RFTN1: variants seen among roughly 807,000 people sequenced by gnomAD.
RFTN1 encodes the protein raftlin.
In RFTN1, 26 loss-of-function variants were observed where a neutral mutation model predicts 46.5. The observed-to-expected ratio is 0.56, with a 90% CI of 0.41 to 0.78. The LOEUF (loss-of-function observed/expected upper bound fraction) is 0.78, where lower values mean the gene tolerates loss of function less well. Among genes scored for constraint, RFTN1 ranks in the 30% least tolerant of loss-of-function variants. The pLI is 0.00. For synonymous variants in RFTN1, 261 were observed against 284.2 expected (o/e 0.92, Z 0.82); for missense variants, 693 against 718.7 (o/e 0.96, Z 0.41).
intron 6 of RFTN1, among the ~76,000 whole-genome samples, chr3:16,362,985 C>T (rs867381533): frequency 1.3e-5 from 2 of 152,180 alleles, no homozygotes; most frequent in African/African-American, 4.8e-5. Flanking sequence ...GAGGAACACA[C>T]CCAGATCCTT....
chr3:16,433,625 A>G lies in RFTN1; in HGVS notation c.332+226T>C, dbSNP rs2075437976. 6.6e-6 allele frequency among the ~76,000 whole-genome samples: 1 copy of G among 152,216 alleles called. No individual in the cohort carries two copies. Among genetic ancestry groups the G allele is most frequent in the Non-Finnish European group, 1.5e-5 (1 of 68,038 alleles). ...AGTTAAAAGAGGGAAAGAATGTAAAATGGAACTCTCTACTTGCAGTTGGAC... is the reference window on the plus strand; with the variant it reads ...AGTTAAAAGAGGGAAAGAATGTAAAGTGGAACTCTCTACTTGCAGTTGGAC... On this transcript the variant is annotated intron_variant, in intron 3 of 9. Coordinates refer to ENST00000334133, the MANE Select transcript of RFTN1 (RefSeq NM_015150.2). The surrounding 1 kb of genome is among the most constrained non-coding windows in gnomAD (Gnocchi z 4.4).
At chr3:16,371,897 A>G (rs1455574759) in intron 5 of RFTN1, among the ~76,000 whole-genome samples, 2 of 152,236 alleles carry the variant, frequency 1.3e-5, no homozygotes, top group Non-Finnish European at 2.9e-5. Flanking sequence ...TTCACAATAC[A>G]AACTTTAGAA....
rs1390510093 is a variant in RFTN1, at chr3:16,504,058, G to A, written c.-9+9384C>T. 6.6e-6 allele frequency among the ~76,000 whole-genome samples: 1 copy of A among 152,090 alleles called. No individual in the cohort carries two copies. The highest frequency in any genetic ancestry group is 1.5e-5 in the Non-Finnish European group (1 of 68,014). The stretch of plus-strand genomic sequence containing the variant: ...AACACCCAGAACAACATATGGCAGA[G>A]ATTCTGAGGATTTCTCCGTTCACAG... On this transcript the variant is annotated intron_variant, in intron 1 of 9. Coordinates refer to ENST00000334133, the MANE Select transcript of RFTN1 (RefSeq NM_015150.2). This position sits in a 1 kb window ranked among gnomAD's most constrained non-coding sequence, Gnocchi z 4.4.
rs137916525 is a variant in RFTN1, at chr3:16,410,711, G to A, written c.333-1228C>T. 2.9e-4 allele frequency among the ~76,000 whole-genome samples: 44 copies of A among 152,164 alleles called. No individual in the cohort carries two copies. Among genetic ancestry groups the A allele is most frequent in the African/African-American group, 1.0e-3 (42 of 41,508 alleles). ...GCTGTCAAAGGAGAGGCTTCCTAGC[G>A]CACCCTGCCATCTCTGCACACAGGG... On this transcript the variant is annotated intron_variant, in intron 3 of 9. Transcript: ENST00000334133. The surrounding 1 kb of genome is among the most constrained non-coding windows in gnomAD (Gnocchi z 4.6).
rs544875031 is a variant in RFTN1, at chr3:16,433,415, G to A, written c.332+436C>T. Among the ~76,000 whole-genome samples the A allele has an allele frequency of 3.3e-5, 5 of 152,096 alleles. No homozygotes were observed. Among genetic ancestry groups the A allele is most frequent in the Non-Finnish European group, 4.4e-5 (3 of 68,018 alleles). On this transcript the variant is annotated intron_variant, in intron 3 of 9. Transcript: ENST00000334133. The surrounding 1 kb of genome is among the most constrained non-coding windows in gnomAD (Gnocchi z 4.4). ...GTGATTGACAGAATTTATGGTAGGCGCAAAATGTTAAAGTATTTCTAGACT... is the reference window on the plus strand; with the variant it reads ...GTGATTGACAGAATTTATGGTAGGCACAAAATGTTAAAGTATTTCTAGACT...
Position 16,483,174 on chromosome 3 carries a change from C to T in RFTN1, c.145+10551G>A, listed in dbSNP as rs1162399141. Among the ~76,000 whole-genome samples the T allele has an allele frequency of 1.3e-5, 2 of 152,142 alleles. No individual in the cohort carries two copies. The highest frequency in any genetic ancestry group is 2.9e-5 in the Non-Finnish European group (2 of 68,030). On this transcript the variant is annotated intron_variant, in intron 2 of 9. Transcript: ENST00000334133. The surrounding 1 kb of genome is among the most constrained non-coding windows in gnomAD (Gnocchi z 4.8). Reference sequence around the variant, plus strand: ...ATATTTACAGAGAGGTAATAAATACCTCATTAAGGAAAGGCAAAACAAACA... The same window carrying T: ...ATATTTACAGAGAGGTAATAAATACTTCATTAAGGAAAGGCAAAACAAACA...
chr3:16,470,374 G>C (rs1294172705), intron 2 of RFTN1, among the ~76,000 whole-genome samples: 1 of 152,210 alleles, frequency 6.6e-6, no homozygotes, highest in African/African-American at 2.4e-5. Flanking sequence ...ACTGGGCGAG[G>C]TTTTGTCTCT....
In RFTN1 at chr3:16,320,726, G is replaced by A. The variant is rs1051601836; in HGVS notation, c.1332+2650C>T. Among the ~76,000 whole-genome samples, 2 of 152,222 alleles carry A rather than the reference G, an allele frequency of 1.3e-5. No homozygotes were observed. Among genetic ancestry groups the A allele is most frequent in the African/African-American group, 4.8e-5 (2 of 41,460 alleles). On this transcript the variant is annotated intron_variant, in intron 9 of 9. Transcript: ENST00000334133. This position sits in a 1 kb window ranked among gnomAD's most constrained non-coding sequence, Gnocchi z 4.5. ...GGAGGAGAATGTCCTTGGCAGAGGG[G>A]ACACGGAAGAACTGGAGGCCACAGA...
In RFTN1 at chr3:16,440,133, C is replaced by CA. The variant is rs1328260143; in HGVS notation, c.146-6097dup. Among the ~76,000 whole-genome samples the CA allele has an allele frequency of 2.0e-5, 3 of 152,212 alleles. No homozygotes were observed. Among genetic ancestry groups the CA allele is most frequent in the Non-Finnish European group, 4.4e-5 (3 of 68,038 alleles). The stretch of plus-strand genomic sequence containing the variant: ...CAAAAAGAGAAAATGCCAGCCTACT[C>CA]AGAGTGGGCCGCTGCCGCGAGGGCT... On this transcript the variant is annotated intron_variant, in intron 2 of 9. Transcript: ENST00000334133. This position sits in a 1 kb window ranked among gnomAD's most constrained non-coding sequence, Gnocchi z 4.6.
rs1293915168 is a variant in RFTN1 at position 16,450,896 on chromosome 3, G to C, written c.146-16859C>G. On this transcript the variant is annotated intron_variant, in intron 2 of 9. Transcript: ENST00000334133. The surrounding 1 kb of genome is among the most constrained non-coding windows in gnomAD (Gnocchi z 4.6). Reference sequence around the variant, plus strand: ...TTTGCATGGACCTGAACAGATAGTGGTGACTTTCACCACTTGGTTTTGGTC... The same window carrying C: ...TTTGCATGGACCTGAACAGATAGTGCTGACTTTCACCACTTGGTTTTGGTC... 6.6e-6 allele frequency among the ~76,000 whole-genome samples: 1 copy of C among 152,160 alleles called. No homozygotes were observed. The highest frequency in any genetic ancestry group is 2.1e-4 in the South Asian group (1 of 4,834).
chr3:16,393,495 C>T (rs902817397), intron 4 of RFTN1, among the ~76,000 whole-genome samples: 1 of 152,130 alleles, frequency 6.6e-6, no homozygotes, highest in African/African-American at 2.4e-5. Context: ...AATGTTATTT[C>T]TCAAAAATGA....
At position 16,381,287 on chromosome 3, in the gene RFTN1, A is replaced by G. The variant is rs1425587080; in HGVS notation, c.442-3185T>C. The stretch of plus-strand genomic sequence containing the variant: ...TTTCTATTACTGTGTAATTTTCAAA[A>G]TTTACTTAAGGGGCATGGATGTTAC... On this transcript the variant is annotated intron_variant, in intron 4 of 9. Transcript: ENST00000334133. The surrounding 1 kb of genome is among the most constrained non-coding windows in gnomAD (Gnocchi z 4.2). 6.6e-6 allele frequency among the ~76,000 whole-genome samples: 1 copy of G among 152,218 alleles called. No individual in the cohort carries two copies. The highest frequency in any genetic ancestry group is 1.5e-5 in the Non-Finnish European group (1 of 68,040).
intron 3 of RFTN1, among the ~76,000 whole-genome samples, chr3:16,432,570 C>T (rs1222887041): frequency 6.6e-6 from 1 of 152,024 alleles, no homozygotes; most frequent in Admixed American, 6.6e-5. Flanking sequence ...GGCTCAGTGG[C>T]TCACACCCAT....
intron 2 of RFTN1, chr3:16,434,867 T>C (rs1273671200): frequency 2.0e-5 from 3 of 152,204 alleles, no homozygotes; most frequent in African/African-American, 7.2e-5. Context: ...GGGAAAAATA[T>C]ATGAATAGGC....
In RFTN1 at chr3:16,433,184, TTAA is replaced by T. The variant is rs1363345331; in HGVS notation, c.332+664_332+666del. The stretch of plus-strand genomic sequence containing the variant: ...ATCCCATCCTCACTGTTTTTTTTTT[TTAA>T]AAAAATTAATATTGTTCCTTTTGAA... On this transcript the variant is annotated intron_variant, in intron 3 of 9. Coordinates refer to ENST00000334133, the MANE Select transcript of RFTN1 (RefSeq NM_015150.2). This position sits in a 1 kb window ranked among gnomAD's most constrained non-coding sequence, Gnocchi z 4.4. 5.4e-4 allele frequency among the ~76,000 whole-genome samples: 58 copies of T among 106,446 alleles called. No homozygotes were observed. The highest frequency in any genetic ancestry group is 2.1e-3 in the African/African-American group (50 of 23,542). 69.8% of individuals were successfully genotyped at this position (106,446 alleles called of 152,430 possible).
intron 2 of RFTN1, among the ~76,000 whole-genome samples, chr3:16,487,230 C>G (rs1473211843): frequency 1.3e-5 from 2 of 152,238 alleles, no homozygotes; most frequent in Admixed American, 6.5e-5. Flanking sequence ...CCAAATGTCC[C>G]CAAGACATGG....
At chr3:16,328,164 T>G (rs1574985761) in intron 7 of RFTN1, among the ~76,000 whole-genome samples, 1 of 152,248 alleles carries the variant, frequency 6.6e-6, no homozygotes, top group African/African-American at 2.4e-5. Context: ...AAGGGCTCTC[T>G]GGCAGGGCCA....
At chr3:16,508,409 G>A (rs1296958881) in intron 1 of RFTN1, among the ~76,000 whole-genome samples, 1 of 152,218 alleles carries the variant, frequency 6.6e-6, no homozygotes, top group Non-Finnish European at 1.5e-5. Flanking sequence ...CAGCTCTTTG[G>A]TTCTGGCCCA....
intron 9 of RFTN1, among the ~76,000 whole-genome samples, chr3:16,318,364 C>T (rs1057133122): frequency 6.6e-6 from 1 of 152,178 alleles, no homozygotes; most frequent in Non-Finnish European, 1.5e-5. Flanking sequence ...AAAGGGAGCT[C>T]TCAGTTCCTA....
Sources: gnomAD v4.1 joint callset for allele counts (sites outside exome capture counted in the v4.1 genomes callset) on GRCh38, gnomAD v4.1.1 for gene constraint, Gnocchi (gnomAD v3.1) non-coding constraint, MANE v1.5 for transcripts, NCBI Gene and HGNC (gene_info 2026-07-23, HGNC 2026-07-21) for gene names.